The following CYRIB variants were observed in gnomAD, a reference collection of about 807,000 sequenced individuals.
CYRIB encodes CYFIP-related Rac1 interactor B.
A neutral mutation model predicts 44.2 loss-of-function variants in CYRIB; 8 were observed. That is an observed-to-expected ratio of 0.18 (90% CI 0.11 to 0.33). CYRIB has a LOEUF of 0.33. Among genes scored for constraint, CYRIB ranks in the 10% least tolerant of loss-of-function variants. The pLI is 1.00. For missense variants in CYRIB, 185 were observed against 382.8 expected (o/e 0.48, Z 4.31); for synonymous variants, 131 against 127.2 (o/e 1.03, Z -0.20).
intron 2 of CYRIB, among the ~76,000 whole-genome samples, chr8:129,956,192 C>T (rs947280817): frequency 4.6e-5 from 7 of 152,264 alleles, no homozygotes; most frequent in Non-Finnish European, 7.4e-5. Flanking sequence ...GAGAATGCTG[C>T]CTGGCATATA....
At chr8:129,965,500 A>T (rs901617553) in intron 2 of CYRIB, among the ~76,000 whole-genome samples, 2 of 152,160 alleles carry the variant, frequency 1.3e-5, no homozygotes, top group African/African-American at 2.4e-5. Context: ...AATCCACTTT[A>T]AGAATATACA....
At chr8:129,852,601 A>T (rs1282176115) in intron 7 of CYRIB, among the ~76,000 whole-genome samples, 4 of 152,208 alleles carry the variant, frequency 2.6e-5, no homozygotes, top group African/African-American at 9.6e-5. Flanking sequence ...AAGTATCCAT[A>T]CAACATCCAT....
intron 1 of CYRIB, among the ~76,000 whole-genome samples, chr8:129,934,644 G>A (rs2092444375): frequency 6.6e-6 from 1 of 152,076 alleles, no homozygotes; most frequent in Non-Finnish European, 1.5e-5. Context: ...CTTAAAGCAT[G>A]ACAAAATAAT....
At chr8:129,857,976 G>A (rs2047090959) in intron 5 of CYRIB, among the ~76,000 whole-genome samples, 1 of 152,226 alleles carries the variant, frequency 6.6e-6, no homozygotes, top group South Asian at 2.1e-4. Context: ...GATGGTCAGT[G>A]ACCAGTAGTT....
intron 2 of CYRIB, among the ~76,000 whole-genome samples, chr8:129,881,130 C>T (rs889827381): frequency 6.6e-6 from 1 of 152,096 alleles, no homozygotes; most frequent in Non-Finnish European, 1.5e-5. Flanking sequence ...AGTAGGTTTG[C>T]GGAGGACAAA....
intron 1 of CYRIB, among the ~76,000 whole-genome samples, chr8:129,920,308 T>C (rs1346107016): frequency 6.6e-6 from 1 of 152,104 alleles, no homozygotes; most frequent in Non-Finnish European, 1.5e-5. Context: ...ACATGGAATC[T>C]AATGGGTTCA....
chr8:129,939,299 G>A (rs1033311723), intron 1 of CYRIB, among the ~76,000 whole-genome samples: 2 of 151,702 alleles, frequency 1.3e-5, no homozygotes, highest in Non-Finnish European at 2.9e-5. Flanking sequence ...GGAGTCACTG[G>A]CGGGCGCAGG....
chr8:129,962,577 G>A (rs1485607871), intron 2 of CYRIB, among the ~76,000 whole-genome samples: 3 of 152,072 alleles, frequency 2.0e-5, no homozygotes, highest in Admixed American at 6.6e-5. Flanking sequence ...TTTACGTTTG[G>A]AAACAGCTAT....
At position 129,998,138 on chromosome 8, in the gene CYRIB, AC is replaced by A. The variant is rs372526151; in HGVS notation, c.-296+18231del. ...CTGTCTCAAAAAAAAAAAAAAAAAA[AC>A]AAAAAAAACACCTCAGAAACGGAGG... On this transcript the variant is annotated intron_variant, in intron 1 of 14. Coordinates refer to the CYRIB transcript ENST00000401979. Among the ~76,000 whole-genome samples, 482 of 140,938 alleles carry A rather than the reference AC, an allele frequency of 3.4e-3. 4 individuals carry two copies. Among genetic ancestry groups the A allele is most frequent in the African/African-American group, 0.011 (375 of 35,508 alleles). 92.5% of individuals were successfully genotyped at this position (140,938 alleles called of 152,430 possible).
chr8:129,991,883 G>A (rs182178334), intron 1 of CYRIB, among the ~76,000 whole-genome samples: 1 of 142,806 alleles, frequency 7.0e-6, no homozygotes, highest in East Asian at 2.1e-4. Flanking sequence ...CCTGGGAGGC[G>A]GAGACTGCAC....
At chr8:129,883,855 G>A (rs1000533507) in intron 2 of CYRIB, among the ~76,000 whole-genome samples, 3 of 145,520 alleles carry the variant, frequency 2.1e-5, no homozygotes, top group African/African-American at 7.5e-5. Context: ...CATTAAATGG[G>A]TTAATAATAA....
At chr8:129,922,042 G>GT (rs1223120066) in intron 1 of CYRIB, among the ~76,000 whole-genome samples, 4 of 152,118 alleles carry the variant, frequency 2.6e-5, no homozygotes, top group Non-Finnish European at 5.9e-5. Flanking sequence ...ACTTGAAATG[G>GT]TTCACAGTGG....
chr8:129,931,997 CTTTTTT>C (rs1235113746), intron 1 of CYRIB, among the ~76,000 whole-genome samples: 3 of 129,424 alleles, frequency 2.3e-5, no homozygotes, highest in African/African-American at 8.5e-5. Context: ...TAAGTATCTT[CTTTTTT>C]TTTTTTTTTT....
chr8:129,865,397 A>G (rs1052950818), intron 4 of CYRIB, among the ~76,000 whole-genome samples: 1 of 152,224 alleles, frequency 6.6e-6, no homozygotes, highest in Admixed American at 6.5e-5. Context: ...CAGCAAGTAC[A>G]AACTTTTTTA....
At position 129,980,227 on chromosome 8, in the gene CYRIB, C is replaced by CA. The variant is rs58630436; in HGVS notation, c.-295-9233dup. Among the ~76,000 whole-genome samples, 841 of 91,300 alleles carry CA rather than the reference C, an allele frequency of 9.2e-3. 9 individuals are homozygous for CA. The highest frequency in any genetic ancestry group is 0.021 in the South Asian group (63 of 2,954). 59.9% of individuals were successfully genotyped at this position (91,300 alleles called of 152,430 possible). A position where few individuals can be genotyped will look rare whatever the true frequency, so the allele number is the denominator to read the frequency against. On this transcript the variant is annotated intron_variant, in intron 1 of 14. Transcript: ENST00000401979. ...CGGGCAACAGAGCAAGACTCCATCTCAAAAAAAAAAAAAAAAAAAGAAAAG... is the reference window on the plus strand; with the variant it reads ...CGGGCAACAGAGCAAGACTCCATCTCAAAAAAAAAAAAAAAAAAAAGAAAAG...
intron 2 of CYRIB, among the ~76,000 whole-genome samples, chr8:129,950,006 T>C (rs2094420003): frequency 6.6e-6 from 1 of 152,230 alleles, no homozygotes; most frequent in African/African-American, 2.4e-5. Flanking sequence ...TCTTTGGCTA[T>C]AAAAAGCAAC....
At chr8:129,868,969 G>A (rs753068306) in intron 4 of CYRIB, among the ~76,000 whole-genome samples, 14 of 147,582 alleles carry the variant, frequency 9.5e-5, no homozygotes, top group Non-Finnish European at 1.6e-4. Context: ...AGGCTGAGGC[G>A]GGAGGACTGC....
Position 129,927,089 on chromosome 8 carries a change from G to A in CYRIB, c.-50+12519C>T, listed in dbSNP as rs564512941. On this transcript the variant is annotated intron_variant, in intron 1 of 11. Transcript: ENST00000519824. ...CTTGAGATCAGGAGTTTGAGACCAG[G>A]CTAGCCAACATGGTAAAACCCTGTC... Among the ~76,000 whole-genome samples, 4 of 151,914 alleles carry A rather than the reference G, an allele frequency of 2.6e-5. No individual in the cohort carries two copies. In the East Asian group the frequency reaches 5.8e-4, roughly 22 times the overall value.
chr8:129,917,477 C>T (rs2081321399), intron 1 of CYRIB, among the ~76,000 whole-genome samples: 1 of 152,140 alleles, frequency 6.6e-6, no homozygotes, highest in African/African-American at 2.4e-5. Context: ...TCATCCTTCC[C>T]ATTAGTCTAT....
Sources: allele counts gnomAD v4.1 joint callset (sites outside exome capture counted in the v4.1 genomes callset), GRCh38; gene constraint gnomAD v4.1.1; transcripts MANE v1.5; gene names NCBI Gene and HGNC (gene_info 2026-07-23, HGNC 2026-07-21).